Variants in NOD1 observed in about 807,000 individuals in gnomAD.
NOD1 encodes nucleotide binding oligomerization domain containing 1, also known as nucleotide-binding oligomerization domain-containing protein 1.
A neutral mutation model predicts 81.2 loss-of-function variants in NOD1; 70 were observed. That is an observed-to-expected ratio of 0.86 (90% CI 0.71 to 1.05). The LOEUF is 1.05. Among genes scored for constraint, NOD1 ranks in the 50% least tolerant of loss-of-function variants. The pLI is 0.00. For missense variants in NOD1, 1,233 were observed against 1,228.0 expected (o/e 1.00, Z -0.06); for synonymous variants, 508 against 526.9 (o/e 0.96, Z 0.49).
chr7:30,432,521 G>GA (rs1784036620), intron 12 of NOD1, among the ~76,000 whole-genome samples: 3 of 152,184 alleles, frequency 2.0e-5, no homozygotes, highest in Admixed American at 2.0e-4. Context: ...ATCCACTTTA[G>GA]AAAACAGTTT....
intron 1 of NOD1, among the ~76,000 whole-genome samples, chr7:30,474,678 C>T (rs758713779): frequency 1.3e-4 from 20 of 152,228 alleles, no homozygotes; most frequent in Non-Finnish European, 2.5e-4. Context: ...CTGCTGCTCA[C>T]CTTCTGCTGT....
At chr7:30,438,919 T>C (rs932080083) in intron 9 of NOD1, among the ~76,000 whole-genome samples, 9 of 152,234 alleles carry the variant, frequency 5.9e-5, no homozygotes, top group African/African-American at 2.2e-4. Context: ...GAGAAGATAA[T>C]TTTTATTATT....
chr7:30,432,857 C>T (rs528365733), intron 12 of NOD1, among the ~76,000 whole-genome samples: 8 of 152,152 alleles, frequency 5.3e-5, no homozygotes, highest in South Asian at 2.1e-4. Flanking sequence ...AGACAGAAAG[C>T]GGATTAGTGG....
chr7:30,452,779 T>G lies in NOD1; in HGVS notation c.638A>C (p.Gln213Pro), dbSNP rs771635547. 6.2e-7 allele frequency: 1 copy of G among 1,614,148 alleles called. No homozygotes were observed. The highest frequency in any genetic ancestry group is 8.5e-7 in the Non-Finnish European group (1 of 1,180,038). ...CGTGGCCCAGAGGCTCTGCAGCCGCTGTAGCAGCATGGACTTGCCCACCCC... is the reference window on the plus strand; with the variant it reads ...CGTGGCCCAGAGGCTCTGCAGCCGCGGTAGCAGCATGGACTTGCCCACCCC... ...DAGVGKSMLL[Q>P]RLQSLWATGR... The change falls in exon 6 of 14, where the codon CAG becomes CCG. Residue 213 changes from glutamine to proline, a missense_variant. By Grantham distance (76) the Gln-to-Pro change is moderately conservative (BLOSUM62 -1). Coordinates refer to ENST00000222823, the MANE Select transcript of NOD1 (RefSeq NM_006092.4).
rs112422785 is a variant in NOD1, at chr7:30,437,924, G to A, written c.2454-268C>T. Among the ~76,000 whole-genome samples, 322 of 152,324 alleles carry A rather than the reference G, an allele frequency of 2.1e-3. 1 individual carries two copies. Among genetic ancestry groups the A allele is most frequent in the Middle Eastern group, 6.8e-3 (2 of 294 alleles). On this transcript the variant is annotated intron_variant, in intron 9 of 13. Transcript: ENST00000222823. Reference sequence around the variant, plus strand: ...TCGGCAAGTGGCACAGTTAGAGACCGAGCCTCACCACGAGCTTCGGAGAGC... The same window carrying A: ...TCGGCAAGTGGCACAGTTAGAGACCAAGCCTCACCACGAGCTTCGGAGAGC...
Position 30,467,345 on chromosome 7 carries a change from T to G in NOD1, c.-351-7304A>C, listed in dbSNP as rs1412948896. Among the ~76,000 whole-genome samples, 1 of 85,160 alleles carries G rather than the reference T, an allele frequency of 1.2e-5. No homozygotes were observed. The highest frequency in any genetic ancestry group is 3.2e-5 in the African/African-American group (1 of 31,356). 55.9% of individuals were successfully genotyped at this position (85,160 alleles called of 152,430 possible). ...TAGGGTAGGACTTTTATTCGTAATG[T>G]TTTTTTTTTTATAAGAAGGCTATAC... is the stretch of plus-strand genomic sequence containing the variant. On this transcript the variant is annotated intron_variant, in intron 1 of 13. Transcript: ENST00000222823. This position sits in a 1 kb window ranked among gnomAD's most constrained non-coding sequence, Gnocchi z 4.5.
rs1468544568 is a variant in NOD1 at position 30,433,101 on chromosome 7, A to G, written c.2700T>C (p.His900=). 2.4e-5 allele frequency: 38 copies of G among 1,611,168 alleles called. No homozygotes were observed. Among genetic ancestry groups the G allele is most frequent in the Non-Finnish European group, 3.2e-5 (38 of 1,177,296 alleles). ...EMLKVNQTLK[H]LWLIQNQITA... ...TGTAAGGCTCTCTGAGTTACCATAA[A>G]TGCTTTAACGTCTGGTTGACTTTCA... The change falls in exon 12 of 14, where the codon CAT becomes CAC. Residue 900 remains histidine (H), a synonymous_variant. Transcript: ENST00000222823.
intron 12 of NOD1, 56 bp downstream of exon 12, chr7:30,433,040 C>G (rs1015520036): frequency 7.3e-7 from 1 of 1,367,724 alleles, no homozygotes; most frequent in Non-Finnish European, 1.0e-6. Context: ...AATTTTATCT[C>G]AAAAAATACT....
In NOD1 at chr7:30,429,450, G is replaced by A. The variant is rs1783753665; in HGVS notation, c.2713C>T (p.Gln905Ter). 6.2e-7 allele frequency: 1 copy of A among 1,613,564 alleles called. No homozygotes were observed. Among genetic ancestry groups the A allele is most frequent in the Admixed American group, 1.7e-5 (1 of 59,992 alleles). The stretch of plus-strand genomic sequence containing the variant: ...GTCCCCTTAGCTGTGATCTGATTCT[G>A]GATAAGCCTGAAAGAAGAACATAAC... The part of the protein sequence containing the change: ...NQTLKHLWLI[Q>*]NQITAKGTAQ... Residue 905 changes from glutamine (Q) to a stop codon, truncating the protein, a stop_gained, in exon 13 of 14, where the codon CAG (glutamine) becomes TAG (stop). Transcript: ENST00000222823. LOFTEE classifies it high-confidence loss of function.
At chr7:30,432,981 A>G (rs975127237) in intron 12 of NOD1, 115 bp downstream of exon 12, 1 of 774,510 alleles carries the variant, frequency 1.3e-6, no homozygotes, top group Non-Finnish European at 2.1e-6. Context: ...TGGTTGCACT[A>G]AAAACCTCTG....
Position 30,468,258 on chromosome 7 carries a change from A to G in NOD1, c.-351-8217T>C, listed in dbSNP as rs1787914965. Among the ~76,000 whole-genome samples the G allele has an allele frequency of 2.0e-5, 3 of 152,166 alleles. No individual in the cohort carries two copies. The South Asian group carries it at 6.2e-4, about 32-fold the overall frequency. ...ATTTCCTCTTTTTTTCATAAAACACATACCTCTGAACACTTCAAAACATTA... is the reference window on the plus strand; with the variant it reads ...ATTTCCTCTTTTTTTCATAAAACACGTACCTCTGAACACTTCAAAACATTA... On this transcript the variant is annotated intron_variant, in intron 1 of 13. Coordinates refer to ENST00000222823, the MANE Select transcript of NOD1 (RefSeq NM_006092.4).
intron 9 of NOD1, among the ~76,000 whole-genome samples, chr7:30,439,380 C>CGCAG (rs1784682427): frequency 7.2e-6 from 1 of 138,102 alleles, no homozygotes; most frequent in Admixed American, 7.0e-5. Context: ...AGACAGTGGG[C>CGCAG]GCAGGCCAGT....
chr7:30,445,994 G>A (rs1322031076), intron 9 of NOD1, 147 bp downstream of exon 9: 12 of 675,450 alleles, frequency 1.8e-5, no homozygotes, highest in Admixed American at 4.9e-5. Flanking sequence ...TTTCAGTTTC[G>A]CAGCATGGTG....
intron 1 of NOD1, among the ~76,000 whole-genome samples, chr7:30,465,772 T>C (rs770421719): frequency 1.3e-5 from 2 of 152,244 alleles, no homozygotes; most frequent in African/African-American, 2.4e-5. Flanking sequence ...TAAAACATTC[T>C]TTAGCAATGT....
In NOD1 at chr7:30,451,757, C is replaced by T; in HGVS notation, c.1660G>A (p.Ala554Thr). 6.2e-7 allele frequency: 1 copy of T among 1,613,684 alleles called. No homozygotes were observed. The highest frequency in any genetic ancestry group is 8.5e-7 in the Non-Finnish European group (1 of 1,179,980). ...AAGGGAGGATAGCAGGACGTGGTCG[C>T]TGCCCCCGCAGGGGGCATCCACTCC... ...FQEWMPPAGA[A>T]TTSCYPPFLP... The change falls in exon 6 of 14, where the codon GCG (alanine) becomes ACG (threonine). Residue 554 changes from alanine (A) to threonine (T), a missense_variant. Coordinates refer to ENST00000222823, the MANE Select transcript of NOD1 (RefSeq NM_006092.4). This position sits in a 1 kb window ranked among gnomAD's most constrained non-coding sequence, Gnocchi z 4.2.
Position 30,452,394 on chromosome 7 carries a change from C to T in NOD1, c.1023G>A (p.Gln341=). 6.2e-7 allele frequency: 1 copy of T among 1,613,396 alleles called. No homozygotes were observed. Among genetic ancestry groups the T allele is most frequent in the Non-Finnish European group, 8.5e-7 (1 of 1,180,028 alleles). ...TARTGIEVPR[Q]FLRKKVLLRG... ...GGAGAAGCACCTTCTTCCGCAGGAA[C>T]TGGCGCGGGACCTCGATGCCTGTGC... Residue 341 remains glutamine (Q), a synonymous_variant, in exon 6 of 14, where the codon CAG becomes CAA. Transcript: ENST00000222823.
chr7:30,427,482 C>A (rs758370411), intron 13 of NOD1, among the ~76,000 whole-genome samples: 1 of 152,186 alleles, frequency 6.6e-6, no homozygotes, highest in Non-Finnish European at 1.5e-5. Context: ...TGTGGCAGTC[C>A]CTGGCAGGGC....
intron 4 of NOD1, 131 bp downstream of exon 4, chr7:30,456,590 A>C (rs1291555770): frequency 2.8e-6 from 2 of 725,544 alleles, no homozygotes; most frequent in African/African-American, 1.7e-5. Context: ...TTTGTGTGCT[A>C]TTAGTACCCC....
Position 30,478,419 on chromosome 7 carries a change from C to G in NOD1, c.-352+187G>C, listed in dbSNP as rs1287241146. Among the ~76,000 whole-genome samples, 2 of 152,216 alleles carry G rather than the reference C, an allele frequency of 1.3e-5. No individual in the cohort carries two copies. Among genetic ancestry groups the G allele is most frequent in the African/African-American group, 4.8e-5 (2 of 41,464 alleles). On this transcript the variant is annotated intron_variant, in intron 1 of 13. Coordinates refer to ENST00000222823, the MANE Select transcript of NOD1 (RefSeq NM_006092.4). This position sits in a 1 kb window ranked among gnomAD's most constrained non-coding sequence, Gnocchi z 4.1. ...CGATTCCGCTGACTGTGAAGTTCAT[C>G]CCTCTCAACTTTCGCTACATGCTTC...
Sources: allele counts gnomAD v4.1 joint callset (sites outside exome capture counted in the v4.1 genomes callset), GRCh38; gene constraint gnomAD v4.1.1; non-coding constraint Gnocchi (gnomAD v3.1); transcripts MANE v1.5; gene names NCBI Gene and HGNC (gene_info 2026-07-23, HGNC 2026-07-21).